The following CNTNAP4 variants were observed in gnomAD, a reference collection of about 807,000 sequenced individuals.
CNTNAP4 encodes contactin-associated protein-like 4.
Under a neutral mutation model 148.4 loss-of-function variants are expected in CNTNAP4, and 98 were observed. The observed-to-expected ratio is 0.66, with a 90% CI of 0.56 to 0.78. The LOEUF is 0.78. CNTNAP4 is among the 30% of genes least tolerant of loss of function. The pLI is 0.00. For synonymous variants in CNTNAP4, 730 were observed against 565.1 expected (o/e 1.29, Z -4.14); for missense variants, 1,935 against 1,565.6 (o/e 1.24, Z -3.98).
intron 2 of CNTNAP4, among the ~76,000 whole-genome samples, chr16:76,341,189 A>G (rs191339986): frequency 1.3e-5 from 2 of 152,242 alleles, no homozygotes; most frequent in East Asian, 3.9e-4. Flanking sequence ...ATCTTCCTCA[A>G]CTTTTTCATT....
At chr16:76,313,526 A>G (rs1424923230) in intron 1 of CNTNAP4, among the ~76,000 whole-genome samples, 2 of 152,192 alleles carry the variant, frequency 1.3e-5, no homozygotes, top group African/African-American at 4.8e-5. Flanking sequence ...CATGGGTTGT[A>G]TATCTTTTTA....
chr16:76,452,606 G>C lies in CNTNAP4; in HGVS notation c.1170G>C (p.Glu390Asp), dbSNP rs1414588171. 6.2e-7 allele frequency: 1 copy of C among 1,614,000 alleles called. No homozygotes were observed. Residue 390 changes from glutamate (E) to aspartate (D), a missense_variant, in exon 8 of 24, where the codon GAG becomes GAC. Transcript: ENST00000611870. ...YLALPDFSGEEEVSATFQFRT... is the reference protein window; with the variant it reads ...YLALPDFSGEDEVSATFQFRT... ...CACTGCCAGACTTCTCTGGAGAGGA[G>C]GAGGTTTCTGCCACTTTTCAATTTC...
At chr16:76,419,102 G>A (rs770766569) in intron 3 of CNTNAP4, among the ~76,000 whole-genome samples, 9 of 151,978 alleles carry the variant, frequency 5.9e-5, no homozygotes, top group Admixed American at 2.0e-4. Flanking sequence ...TCAGTGGGTT[G>A]TTGTCTCAGA....
At chr16:76,537,848 T>C (rs1011726032) in intron 18 of CNTNAP4, among the ~76,000 whole-genome samples, 2 of 152,094 alleles carry the variant, frequency 1.3e-5, no homozygotes, top group African/African-American at 2.4e-5. Context: ...AAGACAAGCC[T>C]GGTTTGTGTT....
intron 2 of CNTNAP4, among the ~76,000 whole-genome samples, chr16:76,327,037 G>A (rs1213058586): frequency 6.6e-6 from 1 of 152,076 alleles, no homozygotes; most frequent in African/African-American, 2.4e-5. Context: ...TGTGTCATGT[G>A]GATTGGACAT....
chr16:76,351,822 A>G lies in CNTNAP4; in HGVS notation c.197-3496A>G, dbSNP rs372805080. 1.7e-4 allele frequency among the ~76,000 whole-genome samples: 26 copies of G among 152,288 alleles called. No individual in the cohort carries two copies. The East Asian group carries it at 4.1e-3, about 24-fold the overall frequency. ...CTCTTTCTCCTGATGAGAATTGATGATCCGATTTTAACTCACTAGAATCAC... is the reference window on the plus strand; with the variant it reads ...CTCTTTCTCCTGATGAGAATTGATGGTCCGATTTTAACTCACTAGAATCAC... On this transcript the variant is annotated intron_variant, in intron 2 of 23. Transcript: ENST00000611870.
intron 1 of CNTNAP4, among the ~76,000 whole-genome samples, chr16:76,306,698 G>A (rs980549035): frequency 5.9e-5 from 9 of 152,142 alleles, no homozygotes; most frequent in African/African-American, 1.9e-4. Flanking sequence ...TTTCGAGGTG[G>A]TGCATTAAAG....
At chr16:76,515,326 T>C (rs907558791) in intron 15 of CNTNAP4, among the ~76,000 whole-genome samples, 1 of 152,218 alleles carries the variant, frequency 6.6e-6, no homozygotes, top group African/African-American at 2.4e-5. Context: ...AATGTGACTA[T>C]ATTTGAAGAT....
At chr16:76,378,788 TCAGTGAGGGAGAAAACCCGGCC>T (rs1157032584) in intron 3 of CNTNAP4, among the ~76,000 whole-genome samples, 2 of 152,096 alleles carry the variant, frequency 1.3e-5, no homozygotes, top group African/African-American at 4.8e-5. Context: ...GTCCTCCATG[TCAGTGAGGGAGAAAACCCGGCC>T]CAGCTGTTCT....
intron 3 of CNTNAP4, among the ~76,000 whole-genome samples, chr16:76,363,032 G>C (rs1213451881): frequency 6.6e-6 from 1 of 150,706 alleles, no homozygotes; most frequent in Non-Finnish European, 1.5e-5. Flanking sequence ...ACCAGCCTGG[G>C]CAATATAGCA....
In CNTNAP4 at chr16:76,349,048, C is replaced by G. The variant is rs374317778; in HGVS notation, c.197-6270C>G. The stretch of plus-strand genomic sequence containing the variant: ...GGATCAGCACAAGCAAGGGGCCCAA[C>G]GAATGTCTTATGTAACTAGAAAGCA... On this transcript the variant is annotated intron_variant, in intron 2 of 23. Coordinates refer to ENST00000611870, the MANE Select transcript of CNTNAP4 (RefSeq NM_033401.5). 6.6e-5 allele frequency among the ~76,000 whole-genome samples: 10 copies of G among 152,112 alleles called. No individual in the cohort carries two copies. The South Asian group carries it at 8.3e-4, about 13-fold the overall frequency.
intron 2 of CNTNAP4, among the ~76,000 whole-genome samples, chr16:76,343,704 A>G (rs1289147773): frequency 6.6e-6 from 1 of 152,092 alleles, no homozygotes; most frequent in Admixed American, 6.6e-5. Context: ...ATTTTAACAC[A>G]ATGTAATACT....
At chr16:76,379,196 A>C (rs1379011111) in intron 3 of CNTNAP4, among the ~76,000 whole-genome samples, 1 of 152,070 alleles carries the variant, frequency 6.6e-6, no homozygotes. Flanking sequence ...TCCAATTCAC[A>C]GTGCTACATG....
intron 2 of CNTNAP4, among the ~76,000 whole-genome samples, chr16:76,337,896 G>A (rs891504141): frequency 2.0e-5 from 3 of 152,108 alleles, no homozygotes; most frequent in Non-Finnish European, 4.4e-5. Flanking sequence ...GCCTGACCCC[G>A]CAGGCAGTCA....
intron 3 of CNTNAP4, among the ~76,000 whole-genome samples, chr16:76,373,907 A>G (rs1411644391): frequency 6.6e-6 from 1 of 151,628 alleles, no homozygotes; most frequent in Non-Finnish European, 1.5e-5. Context: ...CAAAAAAAAA[A>G]AAAAAAAGAA....
chr16:76,315,094 T>C (rs1010084489), intron 1 of CNTNAP4, among the ~76,000 whole-genome samples: 4 of 152,102 alleles, frequency 2.6e-5, no homozygotes, highest in African/African-American at 9.7e-5. Context: ...TTGTTTCTTT[T>C]ACTGGCGTGT....
intron 1 of CNTNAP4, among the ~76,000 whole-genome samples, chr16:76,296,045 T>C (rs1959257379): frequency 6.6e-6 from 1 of 152,214 alleles, no homozygotes; most frequent in Non-Finnish European, 1.5e-5. Flanking sequence ...TAAACTTCTC[T>C]ACAAAGGATC....
chr16:76,405,187 CT>C (rs112933178), intron 3 of CNTNAP4, among the ~76,000 whole-genome samples: 5,368 of 152,232 alleles, frequency 0.035, 314 homozygotes, highest in African/African-American at 0.12. Context: ...CACTATGACA[CT>C]TATAAACACT....
At chr16:76,342,825 A>G (rs1235934773) in intron 2 of CNTNAP4, among the ~76,000 whole-genome samples, 1 of 152,248 alleles carries the variant, frequency 6.6e-6, no homozygotes, top group African/African-American at 2.4e-5. Context: ...TCTGTGGGTT[A>G]CAAATTTTCA....
Sources: allele counts gnomAD v4.1 joint callset (sites outside exome capture counted in the v4.1 genomes callset), GRCh38; gene constraint gnomAD v4.1.1; transcripts MANE v1.5; gene names NCBI Gene and HGNC (gene_info 2026-07-23, HGNC 2026-07-21).